The following FMN1 variants were observed in gnomAD, a reference collection of about 807,000 sequenced individuals.
The protein encoded by FMN1 is formin-1.
A neutral mutation model predicts 132.4 loss-of-function variants in FMN1; 110 were observed. The observed-to-expected ratio is 0.83, with a 90% CI of 0.71 to 0.97. FMN1 has a LOEUF of 0.97. Ranked by LOEUF, FMN1 falls within the 50% of genes least tolerant of loss-of-function variation. The pLI is 0.00. For synonymous variants in FMN1, 722 were observed against 651.7 expected (o/e 1.11, Z -1.64); for missense variants, 1,792 against 1,705.3 (o/e 1.05, Z -0.90).
At position 33,151,417 on chromosome 15, in the gene FMN1, G is replaced by C. The variant is rs79161117; in HGVS notation, c.1867+1631C>G. On this transcript the variant is annotated intron_variant, in intron 4 of 20. Transcript: ENST00000616417. ...TAAAGGGAATGTTGAGTGATTGCAC[G>C]GAGAGGCCAAAGGAACATGTGATCA... The C allele has an allele frequency of 4.8e-3, 7,376 of 1,533,852 alleles. 356 individuals carry two copies. In the African/African-American group the frequency reaches 0.09, roughly 19 times the overall value.
In FMN1 at chr15:33,153,282, C is replaced by T. The variant is rs1964523918; in HGVS notation, c.1633G>A (p.Gly545Ser). 1 of 1,536,060 alleles carries T rather than the reference C, an allele frequency of 6.5e-7. No individual in the cohort carries two copies. Among genetic ancestry groups the T allele is most frequent in the Non-Finnish European group, 8.7e-7 (1 of 1,146,924 alleles). ...HRILRLPALP[G>S]EREAALNDSP... is the part of the protein sequence containing the mutation. ...TCATTAAGAGCAGCTTCCCTCTCAC[C>T]AGGCAATGCAGGGAGCCGGAGGATC... is the stretch of plus-strand genomic sequence containing the variant. The change falls in exon 4 of 21, where the codon GGT becomes AGT. Residue 545 changes from glycine to serine, a missense_variant. Around this residue, in one of 3 missense-constraint regions of FMN1, gnomAD observed 1,150 missense variants for 1,043.1 expected, o/e 1.10. Coordinates refer to ENST00000616417, the MANE Select transcript of FMN1 (RefSeq NM_001277313.2).
chr15:33,010,913 AT>A (rs1270553656), intron 6 of FMN1, among the ~76,000 whole-genome samples: 34 of 151,552 alleles, frequency 2.2e-4, no homozygotes, highest in Middle Eastern at 3.4e-3. Flanking sequence ...AAAAAAAAAA[AT>A]AAACGCAGAA....
intron 10 of FMN1, among the ~76,000 whole-genome samples, chr15:32,911,395 A>G (rs1284975325): frequency 6.6e-6 from 1 of 152,186 alleles, no homozygotes; most frequent in African/African-American, 2.4e-5. Context: ...GCACGCTAGT[A>G]AATTTTCTCC....
At position 32,838,155 on chromosome 15, in the gene FMN1, C is replaced by T. The variant is rs114547687; in HGVS notation, c.3928+18860G>A. On this transcript the variant is annotated intron_variant, in intron 17 of 20. Transcript: ENST00000616417. The stretch of plus-strand genomic sequence containing the variant: ...CCTGAATATGAAGGAATCTGGAGAG[C>T]GAGTCACAAGAAACTGAAAACATAA... Among the ~76,000 whole-genome samples the T allele has an allele frequency of 5.8e-3, 882 of 151,704 alleles. 12 individuals are homozygous for T. Among genetic ancestry groups the T allele is most frequent in the African/African-American group, 0.02 (847 of 41,320 alleles).
At chr15:33,165,602 A>G (rs949230764) in intron 3 of FMN1, among the ~76,000 whole-genome samples, 3 of 152,172 alleles carry the variant, frequency 2.0e-5, no homozygotes, top group Non-Finnish European at 4.4e-5. Flanking sequence ...TGTGTTAGCC[A>G]GGATGGTCTC....
At chr15:32,811,527 G>A (rs2057876812) in intron 17 of FMN1, among the ~76,000 whole-genome samples, 1 of 149,218 alleles carries the variant, frequency 6.7e-6, no homozygotes, top group East Asian at 1.9e-4. Context: ...GGTCTTCAGA[G>A]TCATAAAATA....
At chr15:32,886,447 G>A (rs758371230) in intron 16 of FMN1, among the ~76,000 whole-genome samples, 8 of 152,146 alleles carry the variant, frequency 5.3e-5, no homozygotes, top group African/African-American at 1.9e-4. Context: ...TGAGAGATCC[G>A]GAACGACAAT....
chr15:32,849,292 G>A (rs189934400), intron 17 of FMN1, among the ~76,000 whole-genome samples: 108 of 151,804 alleles, frequency 7.1e-4, no homozygotes, highest in African/African-American at 2.6e-3. Flanking sequence ...CGCCCGGCCA[G>A]TCTTAGGTTA....
chr15:32,952,930 A>C (rs761658448), intron 9 of FMN1, among the ~76,000 whole-genome samples: 1 of 152,272 alleles, frequency 6.6e-6, no homozygotes, highest in Admixed American at 6.5e-5. Context: ...GTAGAGTCTC[A>C]CGTCCGTGTC....
At chr15:33,075,058 T>C (rs1394104812) in intron 5 of FMN1, among the ~76,000 whole-genome samples, 3 of 140,426 alleles carry the variant, frequency 2.1e-5, no homozygotes, top group Non-Finnish European at 4.6e-5. Context: ...GAACAGACCT[T>C]GAGTCCTGGG....
At chr15:32,978,163 A>C (rs1468078015) in intron 7 of FMN1, among the ~76,000 whole-genome samples, 1 of 152,056 alleles carries the variant, frequency 6.6e-6, no homozygotes, top group Admixed American at 6.6e-5. Flanking sequence ...CTATTCATTA[A>C]TTTTGAAAGG....
At chr15:33,080,672 A>C (rs1380380075) in intron 5 of FMN1, among the ~76,000 whole-genome samples, 1 of 152,090 alleles carries the variant, frequency 6.6e-6, no homozygotes, top group Non-Finnish European at 1.5e-5. Context: ...GGATCACCTG[A>C]GGTTGGGAGT....
chr15:32,867,699 G>T (rs1567297406), intron 16 of FMN1, among the ~76,000 whole-genome samples: 1 of 152,168 alleles, frequency 6.6e-6, no homozygotes. Flanking sequence ...CACCATGTTA[G>T]CCGGGATGGT....
chr15:32,967,771 T>A (rs561106821), intron 8 of FMN1, among the ~76,000 whole-genome samples: 1 of 152,360 alleles, frequency 6.6e-6, no homozygotes, highest in East Asian at 1.9e-4. Context: ...TTTATCATTG[T>A]GAGTTGTGTG....
chr15:33,104,258 G>A (rs570600657), intron 4 of FMN1, among the ~76,000 whole-genome samples: 3 of 152,212 alleles, frequency 2.0e-5, no homozygotes, highest in African/African-American at 7.2e-5. Flanking sequence ...GCATTAGACT[G>A]AACTGTATGG....
chr15:33,012,906 C>T, intron 6 of FMN1: 1 of 548,992 alleles, frequency 1.8e-6, no homozygotes, highest in Admixed American at 2.0e-5. Flanking sequence ...ATGATTTTGG[C>T]AATTAAAACC....
At chr15:33,004,562 A>G (rs1446732738) in intron 7 of FMN1, among the ~76,000 whole-genome samples, 1 of 152,212 alleles carries the variant, frequency 6.6e-6, no homozygotes, top group Non-Finnish European at 1.5e-5. Context: ...GGATGTGAAG[A>G]AATAGGAACA....
chr15:32,971,187 ATAG>A (rs2031757833), intron 7 of FMN1, among the ~76,000 whole-genome samples: 1 of 152,250 alleles, frequency 6.6e-6, no homozygotes, highest in African/African-American at 2.4e-5. Context: ...TTCATATAAA[ATAG>A]TAGGCATTAT....
At chr15:33,026,191 T>G (rs575770129) in intron 6 of FMN1, among the ~76,000 whole-genome samples, 2 of 148,272 alleles carry the variant, frequency 1.3e-5, no homozygotes, top group Non-Finnish European at 3.0e-5. Context: ...CACACATGAA[T>G]GCTGGGAGAG....
Sources: gnomAD v4.1 joint callset for allele counts (sites outside exome capture counted in the v4.1 genomes callset) on GRCh38, gnomAD v4.1.1 for gene constraint, gnomAD v4.1.1 regional missense constraint, MANE v1.5 for transcripts, NCBI Gene and HGNC (gene_info 2026-07-23, HGNC 2026-07-21) for gene names.